Variants in BRINP2 observed in about 807,000 individuals in gnomAD.
The protein encoded by BRINP2 is BMP/retinoic acid inducible neural specific 2.
BRINP2 carries 21 observed loss-of-function variants against 69.2 expected under a neutral mutation model. That is an observed-to-expected ratio of 0.30 (90% CI 0.22 to 0.44). The LOEUF is 0.44. Among genes scored for constraint, BRINP2 ranks in the 20% least tolerant of loss-of-function variants. The probability of loss-of-function intolerance (pLI) is 1.00; values close to 1 mark genes in which losing one functional copy is unlikely to be tolerated. For synonymous variants in BRINP2, 380 were observed against 394.1 expected (o/e 0.96, Z 0.42); for missense variants, 877 against 986.0 (o/e 0.89, Z 1.48).
intron 2 of BRINP2, among the ~76,000 whole-genome samples, chr1:177,241,149 T>C (rs1650190474): frequency 6.6e-6 from 1 of 152,100 alleles, no homozygotes; most frequent in African/African-American, 2.4e-5. Context: ...TTTTTTGTAT[T>C]TTTAGTAGAG....
rs1016522380 is a variant in BRINP2, at chr1:177,254,378, G to GCGCA, written c.270-1540_270-1539insGCAC. Among the ~76,000 whole-genome samples the GCGCA allele has an allele frequency of 2.4e-3, 344 of 144,012 alleles. 1 individual carries two copies. The highest frequency in any genetic ancestry group is 3.5e-3 in the Middle Eastern group (1 of 282). 94.5% of individuals were successfully genotyped at this position (144,012 alleles called of 152,430 possible). On this transcript the variant is annotated intron_variant, in intron 2 of 7. Transcript: ENST00000361539. ...TGCACCTAAACACATAAGCACACATGCACACACACACACACACACACACAC... is the reference window on the plus strand; with the variant it reads ...TGCACCTAAACACATAAGCACACATGCGCACACACACACACACACACACACACAC...
intron 4 of BRINP2, among the ~76,000 whole-genome samples, chr1:177,270,675 G>A (rs1280861696): frequency 2.6e-5 from 4 of 152,140 alleles, no homozygotes; most frequent in Non-Finnish European, 1.5e-5. Context: ...GAGTGACCAA[G>A]TCAGGAGTAA....
At chr1:177,220,579 C>T (rs1258640294) in intron 1 of BRINP2, among the ~76,000 whole-genome samples, 1 of 152,216 alleles carries the variant, frequency 6.6e-6, no homozygotes, top group Admixed American at 6.5e-5. Flanking sequence ...TCTAAAGCCT[C>T]TGGAACCATG....
intron 4 of BRINP2, among the ~76,000 whole-genome samples, chr1:177,269,559 G>T (rs1243779852): frequency 6.6e-6 from 1 of 152,180 alleles, no homozygotes; most frequent in Non-Finnish European, 1.5e-5. Context: ...CCTTAAAAGT[G>T]ACTTGTCCGA....
At chr1:177,260,585 A>G (rs940816433) in intron 4 of BRINP2, among the ~76,000 whole-genome samples, 1 of 152,180 alleles carries the variant, frequency 6.6e-6, no homozygotes, top group East Asian at 1.9e-4. Context: ...TCTTAGTTTA[A>G]GGAATTGCCA....
At chr1:177,184,258 G>A (rs115955995) in intron 1 of BRINP2, among the ~76,000 whole-genome samples, 10 of 152,282 alleles carry the variant, frequency 6.6e-5, no homozygotes, top group Non-Finnish European at 1.2e-4. Context: ...ACTGAACAGA[G>A]TCAGCAGGGT....
At chr1:177,252,062 T>C (rs1294812375) in intron 2 of BRINP2, among the ~76,000 whole-genome samples, 1 of 152,160 alleles carries the variant, frequency 6.6e-6, no homozygotes, top group Non-Finnish European at 1.5e-5. Flanking sequence ...AACTAACCAG[T>C]GAGAGGATTC....
chr1:177,257,787 C>T (rs1650818177), intron 4 of BRINP2, among the ~76,000 whole-genome samples: 1 of 152,156 alleles, frequency 6.6e-6, no homozygotes, highest in Admixed American at 6.5e-5. Context: ...ATGGAGGGCA[C>T]TTTGGGGTTT....
At position 177,221,275 on chromosome 1, in the gene BRINP2, T is replaced by A. The variant is rs183633317; in HGVS notation, c.-76-8526T>A. ...AACGCATGGAAAGTGTTTAGATTGA[T>A]GTTTGGTACACAGTAACTAATATGT... On this transcript the variant is annotated intron_variant, in intron 1 of 7. Transcript: ENST00000361539. Among the ~76,000 whole-genome samples the A allele has an allele frequency of 6.6e-4, 100 of 152,332 alleles. No homozygotes were observed. The South Asian group carries it at 8.3e-3, about 13-fold the overall frequency.
intron 1 of BRINP2, among the ~76,000 whole-genome samples, chr1:177,215,730 A>G (rs1226322258): frequency 6.6e-6 from 1 of 152,106 alleles, no homozygotes; most frequent in Non-Finnish European, 1.5e-5. Context: ...CAAAACCATG[A>G]TGAATAGACC....
intron 4 of BRINP2, among the ~76,000 whole-genome samples, chr1:177,270,693 G>A (rs1271540472): frequency 6.6e-6 from 1 of 152,114 alleles, no homozygotes; most frequent in African/African-American, 2.4e-5. Flanking sequence ...TAAGTGGATG[G>A]AAAAGCCAGT....
intron 4 of BRINP2, among the ~76,000 whole-genome samples, chr1:177,266,161 G>A (rs1651112362): frequency 6.6e-6 from 1 of 151,510 alleles, no homozygotes; most frequent in East Asian, 1.9e-4. Flanking sequence ...CCATAGCACT[G>A]CTGGAGTGTG....
intron 1 of BRINP2, among the ~76,000 whole-genome samples, chr1:177,196,924 G>A (rs925311078): frequency 6.6e-6 from 1 of 152,076 alleles, no homozygotes; most frequent in African/African-American, 2.4e-5. Flanking sequence ...GCTATGAACT[G>A]AATTGCTCCC....
Position 177,171,312 on chromosome 1 carries a change from C to A in BRINP2, c.-497C>A, listed in dbSNP as rs548621787. 1.2e-3 allele frequency among the ~76,000 whole-genome samples: 189 copies of A among 152,256 alleles called. No individual in the cohort carries two copies. Among genetic ancestry groups the A allele is most frequent in the African/African-American group, 4.4e-3 (182 of 41,560 alleles). On this transcript the variant is annotated 5_prime_UTR_variant, in exon 1 of 8. Transcript: ENST00000361539. The stretch of plus-strand genomic sequence containing the variant: ...CTCCTCGGCGGAGGGACAGGGGACT[C>A]CCCCAGTTGGGTCTTGCACTTCCCT...
intron 1 of BRINP2, among the ~76,000 whole-genome samples, chr1:177,180,197 GGAAACTGAGGAAGGCAAAGCATA>G (rs1648204889): frequency 6.6e-6 from 1 of 152,104 alleles, no homozygotes; most frequent in Non-Finnish European, 1.5e-5. Context: ...TTTTGCATAT[GGAAACTGAGGAAGGCAAAGCATA>G]GAGGAGCAAC....
At chr1:177,275,101 TG>T (rs1651452667) in intron 5 of BRINP2, 2 of 456,256 alleles carry the variant, frequency 4.4e-6, no homozygotes, top group Admixed American at 4.7e-5. Context: ...GTGTCGCTAC[TG>T]GGGAGCCTCC....
chr1:177,235,558 G>T (rs1357874515), intron 2 of BRINP2, among the ~76,000 whole-genome samples: 3 of 152,122 alleles, frequency 2.0e-5, no homozygotes, highest in Non-Finnish European at 2.9e-5. Flanking sequence ...GAAGTGAGGA[G>T]GCAGATAGCA....
At chr1:177,208,804 A>G (rs1649134989) in intron 1 of BRINP2, among the ~76,000 whole-genome samples, 1 of 152,214 alleles carries the variant, frequency 6.6e-6, no homozygotes, top group Non-Finnish European at 1.5e-5. Flanking sequence ...CACAAATAAC[A>G]CAATTGGAGT....
chr1:177,176,798 A>T (rs892163467), intron 1 of BRINP2, among the ~76,000 whole-genome samples: 2 of 152,134 alleles, frequency 1.3e-5, no homozygotes, highest in Admixed American at 6.5e-5. Context: ...AATTAAGCCC[A>T]CCCAAAGCCT....
Sources: allele counts gnomAD v4.1 joint callset (sites outside exome capture counted in the v4.1 genomes callset), GRCh38; gene constraint gnomAD v4.1.1; transcripts MANE v1.5; gene names NCBI Gene and HGNC (gene_info 2026-07-23, HGNC 2026-07-21).